SNX29: variants seen among roughly 807,000 people sequenced by gnomAD.
SNX29 encodes the protein sorting nexin 29.
A neutral mutation model predicts 102.1 loss-of-function variants in SNX29; 78 were observed. The ratio of observed to expected loss-of-function variants is 0.76; its 90% confidence interval spans 0.64 to 0.92. SNX29 has a LOEUF of 0.92. Ranked by LOEUF, SNX29 falls within the 40% of genes least tolerant of loss-of-function variation. SNX29 has a pLI of 0.00. For synonymous variants in SNX29, 580 were observed against 414.5 expected (o/e 1.40, Z -4.85); for missense variants, 1,280 against 1,061.7 (o/e 1.21, Z -2.86).
At chr16:12,373,405 C>T (rs1469480480) in intron 16 of SNX29, among the ~76,000 whole-genome samples, 3 of 152,196 alleles carry the variant, frequency 2.0e-5, no homozygotes, top group African/African-American at 7.2e-5. Context: ...GCTGGGATTA[C>T]AAGTATATGA....
chr16:12,290,323 T>G (rs911670488), intron 15 of SNX29, among the ~76,000 whole-genome samples: 3 of 152,210 alleles, frequency 2.0e-5, no homozygotes, highest in African/African-American at 7.2e-5. Flanking sequence ...AGGTCCCACC[T>G]GGAACCCTGT....
chr16:12,124,746 T>A (rs1004378332), intron 11 of SNX29, among the ~76,000 whole-genome samples: 1 of 152,218 alleles, frequency 6.6e-6, no homozygotes, highest in South Asian at 2.1e-4. Flanking sequence ...ATGCTGCTTT[T>A]TATCTTAGAT....
At chr16:12,333,577 C>T (rs911875949) in intron 15 of SNX29, among the ~76,000 whole-genome samples, 2 of 152,110 alleles carry the variant, frequency 1.3e-5, no homozygotes, top group African/African-American at 4.8e-5. Flanking sequence ...ATTTATCAAG[C>T]ACCTGTGATG....
chr16:12,360,585 G>A (rs747317252), intron 16 of SNX29, among the ~76,000 whole-genome samples: 2 of 152,108 alleles, frequency 1.3e-5, no homozygotes, highest in Non-Finnish European at 2.9e-5. Flanking sequence ...TATTGGAGGT[G>A]CGAGTTCACA....
chr16:12,300,779 A>G (rs1251287451), intron 15 of SNX29, among the ~76,000 whole-genome samples: 2 of 152,162 alleles, frequency 1.3e-5, no homozygotes, highest in South Asian at 2.1e-4. Context: ...TGGACTGCGT[A>G]GCTGTTTGCT....
chr16:12,542,197 G>C (rs1259803445), intron 20 of SNX29, among the ~76,000 whole-genome samples: 1 of 152,154 alleles, frequency 6.6e-6, no homozygotes, highest in African/African-American at 2.4e-5. Flanking sequence ...TTTCCACACA[G>C]GGTGTCAAGG....
intron 13 of SNX29, 40 bp downstream of exon 13, chr16:12,129,798 G>C: frequency 1.9e-6 from 3 of 1,558,544 alleles, no homozygotes; most frequent in Admixed American, 1.9e-5. Context: ...GCACGTGGGG[G>C]CTTCATTAAA....
In SNX29 at chr16:12,573,174, T is replaced by G. The variant is rs1007408713; in HGVS notation, c.*4545T>G. 8.8e-6 allele frequency: 2 copies of G among 226,134 alleles called. No homozygotes were observed. Among genetic ancestry groups the G allele is most frequent in the Non-Finnish European group, 1.8e-5 (2 of 113,818 alleles). The allele number at this position is 226,134 out of a possible 1,614,324, so 14.0% of individuals were successfully genotyped here. On this transcript the variant is annotated 3_prime_UTR_variant, in exon 21 of 21. Transcript: ENST00000566228. ...GCTCCTTGGTCAATAGAAGTAAGGG[T>G]GTAGCCATCCAGGGTCTCCCGGCTC...
chr16:12,380,788 TCCACCCACACAC>T (rs2083080643), intron 16 of SNX29, among the ~76,000 whole-genome samples: 2 of 17,132 alleles, frequency 1.2e-4, no homozygotes, highest in African/African-American at 1.6e-4. Flanking sequence ...CATCCACCCA[TCCACCCACACAC>T]CATCCATCCA....
intron 3 of SNX29, among the ~76,000 whole-genome samples, chr16:12,016,128 GT>G (rs2056841593): frequency 6.6e-6 from 1 of 152,126 alleles, no homozygotes; most frequent in African/African-American, 2.4e-5. Flanking sequence ...GCCTCCCAAA[GT>G]GCTGGGATTG....
At chr16:12,475,454 A>G (rs571920372) in intron 18 of SNX29, among the ~76,000 whole-genome samples, 2 of 152,294 alleles carry the variant, frequency 1.3e-5, no homozygotes, top group South Asian at 4.1e-4. Context: ...TGTATGGTCT[A>G]TTTCAGCTTC....
chr16:12,446,183 G>A (rs1213639667), intron 18 of SNX29, among the ~76,000 whole-genome samples: 1 of 151,324 alleles, frequency 6.6e-6, no homozygotes, highest in East Asian at 1.9e-4. Context: ...TGCCTCCTGA[G>A]TAGCTGGGAC....
chr16:11,985,746 A>C (rs1382796042), intron 1 of SNX29, among the ~76,000 whole-genome samples: 2 of 151,854 alleles, frequency 1.3e-5, no homozygotes, highest in African/African-American at 2.4e-5. Context: ...GGTGGTTAGG[A>C]ATGTGATGTG....
At chr16:12,068,007 T>C (rs1421326225) in intron 9 of SNX29, among the ~76,000 whole-genome samples, 2 of 70,350 alleles carry the variant, frequency 2.8e-5, no homozygotes, top group Non-Finnish European at 5.7e-5. Context: ...AAAATTGGCC[T>C]TTTTAGAAAG....
chr16:12,503,446 TG>T (rs1197042618), intron 19 of SNX29, among the ~76,000 whole-genome samples: 2 of 152,216 alleles, frequency 1.3e-5, no homozygotes, highest in East Asian at 3.9e-4. Flanking sequence ...GGGGGCAGAA[TG>T]GGGCTCCAGG....
At chr16:12,189,052 A>G (rs912729538) in intron 13 of SNX29, among the ~76,000 whole-genome samples, 1 of 152,280 alleles carries the variant, frequency 6.6e-6, no homozygotes, top group East Asian at 1.9e-4. Flanking sequence ...GAGGCTTGCC[A>G]AAATACAGAT....
chr16:12,514,912 GAA>G (rs2089795704), intron 19 of SNX29, among the ~76,000 whole-genome samples: 2 of 143,284 alleles, frequency 1.4e-5, no homozygotes, highest in East Asian at 2.2e-4. Flanking sequence ...GAGAGAGAAA[GAA>G]AGAGAGAAAG....
At chr16:12,364,066 C>T (rs1246757839) in intron 16 of SNX29, among the ~76,000 whole-genome samples, 1 of 152,050 alleles carries the variant, frequency 6.6e-6, no homozygotes, top group Non-Finnish European at 1.5e-5. Context: ...CATCATAGCT[C>T]GGTGTAACCT....
intron 20 of SNX29, among the ~76,000 whole-genome samples, chr16:12,563,961 A>G (rs986679770): frequency 1.3e-5 from 2 of 151,370 alleles, no homozygotes; most frequent in Non-Finnish European, 2.9e-5. Flanking sequence ...AAGACGAGGA[A>G]GGGCTTTTCA....
Sources: gnomAD v4.1 joint callset for allele counts (sites outside exome capture counted in the v4.1 genomes callset) on GRCh38, gnomAD v4.1.1 for gene constraint, MANE v1.5 for transcripts, NCBI Gene and HGNC (gene_info 2026-07-23, HGNC 2026-07-21) for gene names.